The following VPS41 variants were observed in gnomAD, a reference collection of about 807,000 sequenced individuals.
VPS41 encodes vacuolar protein sorting-associated protein 41 homolog.
In VPS41, 85 loss-of-function variants were observed where a neutral mutation model predicts 130.9. That is an observed-to-expected ratio of 0.65 (90% CI 0.55 to 0.78). The LOEUF (loss-of-function observed/expected upper bound fraction) is 0.78, where lower values mean the gene tolerates loss of function less well. Ranked by LOEUF, VPS41 falls within the 30% of genes least tolerant of loss-of-function variation. The pLI is 0.00. For missense variants in VPS41, 874 were observed against 1,018.7 expected, an observed-to-expected ratio of 0.86 and a Z score of 1.93; for synonymous variants, 335 against 332.9, an observed-to-expected ratio of 1.01 and a Z score of -0.07.
Position 38,752,200 on chromosome 7 carries a change from G to C in VPS41, c.1902C>G (p.Asp634Glu). Residue 634 changes from aspartate to glutamate, a missense_variant, in exon 22 of 29, where the codon GAC (aspartate) becomes GAG (glutamate). Transcript: ENST00000310301. ...DRPNLLPFLR[D>E]STHCPLEKAL... ...CCTTTTCAAGTGGGCAATGGGTACT[G>C]TCTCGGAGAAAGGGAAGTAAGTTTG... 6.2e-7 allele frequency: 1 copy of C among 1,613,924 alleles called. No homozygotes were observed. Among genetic ancestry groups the C allele is most frequent in the Non-Finnish European group, 8.5e-7 (1 of 1,179,856 alleles).
intron 4 of VPS41, among the ~76,000 whole-genome samples, chr7:38,849,922 C>CCATAT (rs56106923): frequency 0.34 from 52,073 of 151,664 alleles, 9,453 homozygotes; most frequent in Admixed American, 0.54. Context: ...TGCCCCCCTT[C>CCATAT]CATATCTTTA....
chr7:38,748,070 ATG>A (rs1180998374), intron 22 of VPS41, among the ~76,000 whole-genome samples: 3 of 152,232 alleles, frequency 2.0e-5, no homozygotes, highest in Non-Finnish European at 4.4e-5. Flanking sequence ...AAATGAGAAA[ATG>A]GACTTTAGAA....
chr7:38,853,656 T>G (rs1338625272), intron 4 of VPS41, among the ~76,000 whole-genome samples: 1 of 151,986 alleles, frequency 6.6e-6, no homozygotes, highest in Non-Finnish European at 1.5e-5. Context: ...GAACTGAGAG[T>G]ACCCTGTACT....
chr7:38,879,891 TAA>T (rs11406848), intron 2 of VPS41, among the ~76,000 whole-genome samples: 38,269 of 145,978 alleles, frequency 0.26, 6,233 homozygotes, highest in Non-Finnish European at 0.38. Context: ...GTCATTTCTT[TAA>T]AAAAAAAAAA....
intron 2 of VPS41, among the ~76,000 whole-genome samples, chr7:38,879,303 C>G (rs182869181): frequency 6.6e-6 from 1 of 152,144 alleles, no homozygotes; most frequent in African/African-American, 2.4e-5. Context: ...GCAGCAACAG[C>G]CCAGCCTCAC....
chr7:38,846,785 A>G (rs1245964636), intron 4 of VPS41, among the ~76,000 whole-genome samples: 1 of 152,232 alleles, frequency 6.6e-6, no homozygotes, highest in East Asian at 1.9e-4. Context: ...ATAAAGAACC[A>G]GCAAAGGAAA....
chr7:38,758,499 A>C lies in VPS41; in HGVS notation c.1423-18T>G. On this transcript the variant is annotated intron_variant, in intron 17 of 28. Coordinates refer to ENST00000310301, the MANE Select transcript of VPS41 (RefSeq NM_014396.4). ...GCAAAACCCTAACCAAAGGTGAAAA[A>C]CAGAAAAAGAACACTCATTCAACAG... 1 of 1,599,728 alleles carries C rather than the reference A, an allele frequency of 6.3e-7. No individual in the cohort carries two copies. Among genetic ancestry groups the C allele is most frequent in the Non-Finnish European group, 8.5e-7 (1 of 1,176,188 alleles).
chr7:38,881,281 C>CCCTCT (rs2116380781), intron 2 of VPS41, among the ~76,000 whole-genome samples: 1 of 152,262 alleles, frequency 6.6e-6, no homozygotes, highest in South Asian at 2.1e-4. Flanking sequence ...GGCCCTTCTT[C>CCCTCT]CCTCTTCAAA....
chr7:38,803,107 T>C (rs1320004648), intron 7 of VPS41, among the ~76,000 whole-genome samples: 1 of 152,238 alleles, frequency 6.6e-6, no homozygotes, highest in African/African-American at 2.4e-5. Flanking sequence ...TGTTTTGTGC[T>C]GATAAATCTA....
At position 38,724,658 on chromosome 7, in the gene VPS41, A is replaced by ATC. The variant is rs35204491; in HGVS notation, c.*1586_*1587dup. On this transcript the variant is annotated 3_prime_UTR_variant, in exon 29 of 29. Transcript: ENST00000310301. ...GCCCAGGCTGGAGTGCAATGGCGCGATCTCAGCTCACCACAACCTACGTCT... is the reference window on the plus strand; with the variant it reads ...GCCCAGGCTGGAGTGCAATGGCGCGATCTCTCAGCTCACCACAACCTACGTCT... The ATC allele has an allele frequency of 0.058, 8,704 of 149,604 alleles. 372 individuals are homozygous for ATC. The highest frequency in any genetic ancestry group is 0.13 in the South Asian group (606 of 4,674). 9.3% of individuals were successfully genotyped at this position (149,604 alleles called of 1,614,324 possible). A position where few individuals can be genotyped will look rare whatever the true frequency, so the allele number is the denominator to read the frequency against.
intron 22 of VPS41, among the ~76,000 whole-genome samples, chr7:38,747,665 C>T (rs985388682): frequency 2.0e-5 from 3 of 152,166 alleles, no homozygotes. Context: ...AAGACAGCAG[C>T]CACTTGCTCT....
At chr7:38,836,038 T>C (rs955709104) in intron 4 of VPS41, among the ~76,000 whole-genome samples, 1 of 152,008 alleles carries the variant, frequency 6.6e-6, no homozygotes, top group Non-Finnish European at 1.5e-5. Context: ...ATTTTTCACT[T>C]TCTCATTTTG....
Position 38,830,322 on chromosome 7 carries a change from C to A in VPS41, c.253G>T (p.Val85Leu). The A allele has an allele frequency of 6.2e-7, 1 of 1,607,032 alleles. No homozygotes were observed. Among genetic ancestry groups the A allele is most frequent in the Non-Finnish European group, 8.5e-7 (1 of 1,173,462 alleles). The change falls in exon 5 of 29, where the codon GTG (valine) becomes TTG (leucine). Residue 85 changes from valine (V) to leucine (L), a missense_variant. Transcript: ENST00000310301. ...NITQKFDVSPVKINQISLDES... is the reference protein window; with the variant it reads ...NITQKFDVSPLKINQISLDES... The stretch of plus-strand genomic sequence containing the variant: ...TCCAAGCTAATCTGATTTATCTTCA[C>A]AGGACTCTAAAAAGAAAAAGACAAA...
Position 38,860,935 on chromosome 7 carries a change from A to G in VPS41, c.246+1610T>C, listed in dbSNP as rs533152694. 2.6e-5 allele frequency among the ~76,000 whole-genome samples: 4 copies of G among 152,262 alleles called. No homozygotes were observed. In the South Asian group the frequency reaches 8.3e-4, roughly 32 times the overall value. Reference sequence around the variant, plus strand: ...TAAACAAACACACAAAAATAGCACCAAACTATCTTCCTCCCTTGCCAAAAA... The same window carrying G: ...TAAACAAACACACAAAAATAGCACCGAACTATCTTCCTCCCTTGCCAAAAA... On this transcript the variant is annotated intron_variant, in intron 4 of 28. Transcript: ENST00000310301.
At chr7:38,754,532 A>T (rs929020290) in intron 21 of VPS41, among the ~76,000 whole-genome samples, 170 bp downstream of exon 21, 1 of 152,226 alleles carries the variant, frequency 6.6e-6, no homozygotes, top group African/African-American at 2.4e-5. Context: ...TTGAATTCAC[A>T]GCATATGCTG....
At chr7:38,812,608 T>G (rs1283796326) in intron 7 of VPS41, among the ~76,000 whole-genome samples, 1 of 151,994 alleles carries the variant, frequency 6.6e-6, no homozygotes, top group Non-Finnish European at 1.5e-5. Flanking sequence ...AAAAGACAAC[T>G]CATAGGCTGG....
chr7:38,873,375 A>G lies in VPS41; in HGVS notation c.61-4122T>C, dbSNP rs1371009997. On this transcript the variant is annotated intron_variant, in intron 2 of 28. Coordinates refer to ENST00000310301, the MANE Select transcript of VPS41 (RefSeq NM_014396.4). ...AGGTTATTCTGCTGCTGCTGACTCT[A>G]TATCACACTTTAAATAAAAAACATT... 3.3e-5 allele frequency among the ~76,000 whole-genome samples: 5 copies of G among 152,112 alleles called. No homozygotes were observed. The South Asian group carries it at 1.0e-3, about 32-fold the overall frequency.
intron 5 of VPS41, among the ~76,000 whole-genome samples, chr7:38,822,622 C>T (rs150459049): frequency 2.0e-5 from 3 of 152,220 alleles, no homozygotes; most frequent in Non-Finnish European, 4.4e-5. Context: ...ATCATGAATA[C>T]TGCTGCTAAG....
intron 17 of VPS41, among the ~76,000 whole-genome samples, chr7:38,758,918 ACCCAAAGAGGACC>A (rs552645748): frequency 0.012 from 1,861 of 152,318 alleles, 55 homozygotes; most frequent in African/African-American, 0.042. Flanking sequence ...AGGGTGGTGC[ACCCAAAGAGGACC>A]TGGAAGCTCC....
Sources: allele counts gnomAD v4.1 joint callset (sites outside exome capture counted in the v4.1 genomes callset), GRCh38; gene constraint gnomAD v4.1.1; transcripts MANE v1.5; gene names NCBI Gene and HGNC (gene_info 2026-07-23, HGNC 2026-07-21).